Variants in SLC4A10 observed in about 807,000 individuals in gnomAD.
SLC4A10 encodes sodium-driven chloride bicarbonate exchanger.
A neutral mutation model predicts 137.7 loss-of-function variants in SLC4A10; 42 were observed. That is an observed-to-expected ratio of 0.30 (90% CI 0.24 to 0.39). The LOEUF (loss-of-function observed/expected upper bound fraction) is 0.39. Ranked by LOEUF, SLC4A10 falls within the 10% of genes least tolerant of loss-of-function variation. The pLI is 1.00. For synonymous variants in SLC4A10, 474 were observed against 464.1 expected (o/e 1.02, Z -0.27); for missense variants, 925 against 1,355.0 (o/e 0.68, Z 4.98).
At chr2:161,688,981 T>A (rs1232324875) in intron 1 of SLC4A10, among the ~76,000 whole-genome samples, 6 of 151,912 alleles carry the variant, frequency 3.9e-5, no homozygotes, top group African/African-American at 1.5e-4. Context: ...TAACAAAAAA[T>A]ATGTAAAAAG....
At position 161,748,047 on chromosome 2, in the gene SLC4A10, G is replaced by A. The variant is rs139455914; in HGVS notation, c.49-22926G>A. On this transcript the variant is annotated intron_variant, in intron 1 of 26. Coordinates refer to ENST00000446997, the MANE Select transcript of SLC4A10 (RefSeq NM_001178015.2). The stretch of plus-strand genomic sequence containing the variant: ...TGAGCACCTTTTCATATATCTGCTC[G>A]TCATTTTTATGTCTTCTTTGGAAAA... 2.2e-3 allele frequency among the ~76,000 whole-genome samples: 329 copies of A among 152,020 alleles called. 1 individual carries two copies. The highest frequency in any genetic ancestry group is 6.9e-3 in the African/African-American group (287 of 41,502).
intron 3 of SLC4A10, among the ~76,000 whole-genome samples, chr2:161,835,125 C>A (rs189275066): frequency 6.6e-6 from 1 of 151,500 alleles, no homozygotes; most frequent in Non-Finnish European, 1.5e-5. Flanking sequence ...GCAACCCCCA[C>A]CTGCTGGGTT....
Position 161,904,127 on chromosome 2 carries a change from T to G in SLC4A10, c.1566T>G (p.Ser522=), listed in dbSNP as rs771801819. 1 of 1,611,626 alleles carries G rather than the reference T, an allele frequency of 6.2e-7. No individual in the cohort carries two copies. The highest frequency in any genetic ancestry group is 8.5e-7 in the Non-Finnish European group (1 of 1,178,820). Residue 522 remains serine (S), a synonymous_variant, in exon 13 of 27, where the codon TCT becomes TCG. Coordinates refer to ENST00000446997, the MANE Select transcript of SLC4A10 (RefSeq NM_001178015.2). ...TATTTCTCTACTGCGCGTGTATGTC[T>G]CCTGTCATCACGTTTGGAGGACTGC... is the stretch of plus-strand genomic sequence containing the variant. ...SFLFLYCACM[S]PVITFGGLLG... is the part of the protein sequence containing the mutation.
At chr2:161,706,457 G>C (rs1299538236) in intron 1 of SLC4A10, among the ~76,000 whole-genome samples, 1 of 151,434 alleles carries the variant, frequency 6.6e-6, no homozygotes, top group East Asian at 1.9e-4. Context: ...AATAAGATGT[G>C]TATCTGGATC....
intron 3 of SLC4A10, among the ~76,000 whole-genome samples, chr2:161,836,656 A>G (rs1299155887): frequency 1.1e-4 from 2 of 18,254 alleles, no homozygotes; most frequent in East Asian, 0.25. Context: ...AATTTCTGGA[A>G]AAAAAAAAAC....
intron 1 of SLC4A10, among the ~76,000 whole-genome samples, chr2:161,640,471 C>T (rs1441054001): frequency 6.6e-6 from 1 of 152,152 alleles, no homozygotes; most frequent in Non-Finnish European, 1.5e-5. Flanking sequence ...CACTAGAAGC[C>T]TCAATGGTAT....
At chr2:161,716,245 T>C (rs1408916488) in intron 1 of SLC4A10, among the ~76,000 whole-genome samples, 1 of 151,846 alleles carries the variant, frequency 6.6e-6, no homozygotes, top group African/African-American at 2.4e-5. Flanking sequence ...CTGTGCCAGA[T>C]GGATGGATTG....
At chr2:161,901,072 C>T (rs753692639) in intron 12 of SLC4A10, 61 bp downstream of exon 12, 1 of 1,251,264 alleles carries the variant, frequency 8.0e-7, no homozygotes, top group Non-Finnish European at 1.1e-6. Flanking sequence ...TCTTCTCTGT[C>T]AGAAATTGCT....
intron 3 of SLC4A10, among the ~76,000 whole-genome samples, chr2:161,831,776 A>C (rs1325041368): frequency 1.3e-5 from 2 of 152,178 alleles, no homozygotes; most frequent in Non-Finnish European, 2.9e-5. Context: ...TAGAGGTAGG[A>C]AGGTGGTGAA....
rs139604383 is a variant in SLC4A10, at chr2:161,743,460, T to C, written c.49-27513T>C. Among the ~76,000 whole-genome samples the C allele has an allele frequency of 1.1e-4, 17 of 152,316 alleles. No individual in the cohort carries two copies. In the East Asian group the frequency reaches 3.3e-3, roughly 29 times the overall value. ...ATGGATTTATGTTTGGGTTCTCTAT[T>C]CTGTTCCATTGCTCTATGTGGCTAT... On this transcript the variant is annotated intron_variant, in intron 1 of 26. Coordinates refer to ENST00000446997, the MANE Select transcript of SLC4A10 (RefSeq NM_001178015.2).
At chr2:161,950,159 C>T (rs1055937890) in intron 18 of SLC4A10, among the ~76,000 whole-genome samples, 4 of 152,008 alleles carry the variant, frequency 2.6e-5, no homozygotes, top group African/African-American at 7.2e-5. Context: ...ATAACAGTTA[C>T]AATACCATAA....
chr2:161,979,523 T>C (rs985191023), intron 26 of SLC4A10, among the ~76,000 whole-genome samples: 4 of 152,264 alleles, frequency 2.6e-5, no homozygotes, highest in African/African-American at 9.6e-5. Context: ...TGGTTTTCCA[T>C]GTGAGAAACA....
chr2:161,757,719 GA>G, intron 1 of SLC4A10, among the ~76,000 whole-genome samples: 1 of 152,210 alleles, frequency 6.6e-6, no homozygotes, highest in East Asian at 1.9e-4. Context: ...AGTGCCAATT[GA>G]AAGTATGAAT....
chr2:161,961,699 G>C (rs1696758891), intron 21 of SLC4A10, among the ~76,000 whole-genome samples: 1 of 152,068 alleles, frequency 6.6e-6, no homozygotes, highest in South Asian at 2.1e-4. Flanking sequence ...GGTTTCAACA[G>C]ATTTTCTCCT....
At chr2:161,884,551 A>C (rs1037819629) in intron 10 of SLC4A10, among the ~76,000 whole-genome samples, 1 of 152,180 alleles carries the variant, frequency 6.6e-6, no homozygotes, top group Non-Finnish European at 1.5e-5. Context: ...AGAGCTACCT[A>C]ATTTGAGAAT....
chr2:161,774,095 A>T (rs1336532414), intron 2 of SLC4A10, among the ~76,000 whole-genome samples: 1 of 151,830 alleles, frequency 6.6e-6, no homozygotes, highest in Non-Finnish European at 1.5e-5. Context: ...TGTTTCCTGC[A>T]ATAAAAACGG....
At chr2:161,980,844 T>C (rs1700120513) in intron 26 of SLC4A10, among the ~76,000 whole-genome samples, 2 of 152,208 alleles carry the variant, frequency 1.3e-5, no homozygotes, top group African/African-American at 4.8e-5. Flanking sequence ...TGGCATATAA[T>C]AGATATGCAA....
rs113895778 is a variant in SLC4A10, at chr2:161,819,702, G to A, written c.277+15107G>A. ...GTAGAGACGGGGTTTCACCATGTTG[G>A]CCAAGCTGGTCTCGAACTCCTGACC... On this transcript the variant is annotated intron_variant, in intron 3 of 26. Transcript: ENST00000446997. Among the ~76,000 whole-genome samples, 650 of 152,138 alleles carry A rather than the reference G, an allele frequency of 4.3e-3. 5 individuals are homozygous for A. The highest frequency in any genetic ancestry group is 0.015 in the African/African-American group (619 of 41,508).
Position 161,721,838 on chromosome 2 carries a change from G to A in SLC4A10, c.49-49135G>A, listed in dbSNP as rs1417822651. The stretch of plus-strand genomic sequence containing the variant: ...CAGGTACCCCAATCCGTCATAGTTT[G>A]GTCTTTTTACATAATCCTTATAGTT... On this transcript the variant is annotated intron_variant, in intron 1 of 26. Transcript: ENST00000446997. Among the ~76,000 whole-genome samples the A allele has an allele frequency of 2.0e-5, 3 of 152,100 alleles. No individual in the cohort carries two copies. The South Asian group carries it at 6.2e-4, about 32-fold the overall frequency.
Sources: allele counts gnomAD v4.1 joint callset (sites outside exome capture counted in the v4.1 genomes callset), GRCh38; gene constraint gnomAD v4.1.1; transcripts MANE v1.5; gene names NCBI Gene and HGNC (gene_info 2026-07-23, HGNC 2026-07-21).